TSHZ2: variants seen among roughly 807,000 people sequenced by gnomAD.
The protein encoded by TSHZ2 is teashirt homolog 2.
A neutral mutation model predicts 74.4 loss-of-function variants in TSHZ2; 21 were observed. The observed-to-expected ratio is 0.28, with a 90% CI of 0.20 to 0.41. The LOEUF (loss-of-function observed/expected upper bound fraction) is 0.41. Among genes scored for constraint, TSHZ2 ranks in the 10% least tolerant of loss-of-function variants. The probability of loss-of-function intolerance (pLI) is 1.00; values close to 1 mark genes in which losing one functional copy is unlikely to be tolerated. For synonymous variants in TSHZ2, 540 were observed against 515.3 expected, an observed-to-expected ratio of 1.05 and a Z score of -0.65; for missense variants, 1,244 against 1,293.5, an observed-to-expected ratio of 0.96 and a Z score of 0.59.
chr20:53,358,265 G>A lies in TSHZ2; in HGVS notation c.*8+101694G>A, dbSNP rs543929931. Among the ~76,000 whole-genome samples, 19 of 144,836 alleles carry A rather than the reference G, an allele frequency of 1.3e-4. No homozygotes were observed. The South Asian group carries it at 4.2e-3, about 32-fold the overall frequency. ...GTTTTCATGCAGTTACTGAGCCTGG[G>A]TAAACTGGGACAAAATCCTAGCAAC... On this transcript the variant is annotated intron_variant, in intron 2 of 2. Transcript: ENST00000371497.
At chr20:53,250,015 A>C (rs1459527468) in intron 1 of TSHZ2, among the ~76,000 whole-genome samples, 1 of 152,142 alleles carries the variant, frequency 6.6e-6, no homozygotes, top group Non-Finnish European at 1.5e-5. Flanking sequence ...TGGTCTCTTG[A>C]GTCAGTAGTT....
At chr20:53,340,740 T>G (rs1980164248) in intron 2 of TSHZ2, among the ~76,000 whole-genome samples, 1 of 152,222 alleles carries the variant, frequency 6.6e-6, no homozygotes, top group East Asian at 1.9e-4. Context: ...CTGAAGCTCC[T>G]GTAATGTAAC....
At chr20:53,061,185 G>A (rs763332708) in intron 1 of TSHZ2, among the ~76,000 whole-genome samples, 45 of 152,222 alleles carry the variant, frequency 3.0e-4, no homozygotes, top group African/African-American at 7.2e-4. Flanking sequence ...TATTTTGAAC[G>A]CCAGAAATGA....
intron 2 of TSHZ2, among the ~76,000 whole-genome samples, chr20:53,305,900 C>A (rs373612728): frequency 1.8e-4 from 28 of 152,100 alleles, no homozygotes; most frequent in African/African-American, 6.5e-4. Flanking sequence ...ATTGCTTGAA[C>A]CCGGGAGGCG....
chr20:53,256,049 T>C lies in TSHZ2; in HGVS notation c.2591T>C (p.Leu864Pro). 6.2e-7 allele frequency: 1 copy of C among 1,613,568 alleles called. No homozygotes were observed. Among genetic ancestry groups the C allele is most frequent in the Non-Finnish European group, 8.5e-7 (1 of 1,179,602 alleles). Residue 864 changes from leucine to proline, a missense_variant, in exon 2 of 3, where the codon CTC becomes CCC. Leu to Pro is a moderately conservative substitution (Grantham distance 98). Around this residue, in one of 6 missense-constraint regions of TSHZ2, gnomAD observed 185 missense variants for 213.3 expected, o/e 0.87. Transcript: ENST00000371497. This position sits in a 1 kb window ranked among gnomAD's most constrained non-coding sequence, Gnocchi z 4.3. ...CTACAAGCCCAGTTTGCCTCGAGCC[T>C]CTTCCAGACATCAGAGGGCAAATAC... ...LILQAQFASS[L>P]FQTSEGKYLL...
At chr20:53,261,892 G>C (rs1418217026) in intron 2 of TSHZ2, among the ~76,000 whole-genome samples, 2 of 152,122 alleles carry the variant, frequency 1.3e-5, no homozygotes, top group Non-Finnish European at 2.9e-5. Context: ...AATTAAAAAC[G>C]TCTTTGCGAA....
At position 53,020,946 on chromosome 20, in the gene TSHZ2, C is replaced by G. The variant is rs187789554; in HGVS notation, c.40+47613C>G. Among the ~76,000 whole-genome samples, 461 of 152,304 alleles carry G rather than the reference C, an allele frequency of 3.0e-3. 7 individuals carry two copies. Among genetic ancestry groups the G allele is most frequent in the Admixed American group, 0.028 (428 of 15,300 alleles). Reference sequence around the variant, plus strand: ...TAGTATTAACCCTCAATTTCCTCATCTGTAAATGGGGAACTATATTAATGT... The same window carrying G: ...TAGTATTAACCCTCAATTTCCTCATGTGTAAATGGGGAACTATATTAATGT... On this transcript the variant is annotated intron_variant, in intron 1 of 2. Coordinates refer to ENST00000371497, the MANE Select transcript of TSHZ2 (RefSeq NM_173485.6).
At chr20:53,455,023 T>C (rs187321973) in intron 2 of TSHZ2, among the ~76,000 whole-genome samples, 53 of 152,306 alleles carry the variant, frequency 3.5e-4, no homozygotes, top group African/African-American at 1.2e-3. Context: ...TTCCCTGCTA[T>C]ATAAAACCCT....
Position 53,147,152 on chromosome 20 carries a change from T to A in TSHZ2, c.41-106347T>A, listed in dbSNP as rs529418935. Among the ~76,000 whole-genome samples the A allele has an allele frequency of 2.2e-4, 33 of 152,340 alleles. 3 individuals are homozygous for A. In the South Asian group the frequency reaches 6.4e-3, roughly 30 times the overall value. On this transcript the variant is annotated intron_variant, in intron 1 of 2. Coordinates refer to ENST00000371497, the MANE Select transcript of TSHZ2 (RefSeq NM_173485.6). ...GATCTCAACTCAGCTTATTACATATTTTTTGTTTCCTCATGTGACTCTCAT... is the reference window on the plus strand; with the variant it reads ...GATCTCAACTCAGCTTATTACATATATTTTGTTTCCTCATGTGACTCTCAT...
intron 2 of TSHZ2, among the ~76,000 whole-genome samples, chr20:53,469,579 AG>A (rs1985696417): frequency 8.1e-6 from 1 of 122,992 alleles, no homozygotes; most frequent in African/African-American, 2.9e-5. Flanking sequence ...GAAGGAAGGA[AG>A]GAAGGAAGGA....
chr20:53,372,567 C>T (rs1981515453), intron 2 of TSHZ2, among the ~76,000 whole-genome samples: 1 of 152,076 alleles, frequency 6.6e-6, no homozygotes. Flanking sequence ...TCACCCAATA[C>T]CAGTTCTCTT....
In TSHZ2 at chr20:53,129,890, T is replaced by C. The variant is rs78063220; in HGVS notation, c.41-123609T>C. Among the ~76,000 whole-genome samples, 474 of 152,038 alleles carry C rather than the reference T, an allele frequency of 3.1e-3. 3 individuals carry two copies. Among genetic ancestry groups the C allele is most frequent in the African/African-American group, 0.011 (449 of 41,454 alleles). On this transcript the variant is annotated intron_variant, in intron 1 of 2. Transcript: ENST00000371497. Reference sequence around the variant, plus strand: ...ATTCCTGATCTGATTCACCAGGTCCTGCTTAATATGTATTACCAACCCTGT... The same window carrying C: ...ATTCCTGATCTGATTCACCAGGTCCCGCTTAATATGTATTACCAACCCTGT...
intron 2 of TSHZ2, among the ~76,000 whole-genome samples, chr20:53,362,254 G>A (rs376152731): frequency 1.7e-4 from 25 of 149,062 alleles, no homozygotes; most frequent in African/African-American, 4.2e-4. Context: ...GCAGGATCTC[G>A]GCTCACTGCA....
intron 2 of TSHZ2, among the ~76,000 whole-genome samples, chr20:53,304,836 T>A (rs1978457113): frequency 6.6e-6 from 1 of 152,188 alleles, no homozygotes; most frequent in African/African-American, 2.4e-5. Flanking sequence ...TTCGCCATGT[T>A]AGCCAAAATG....
intron 2 of TSHZ2, among the ~76,000 whole-genome samples, chr20:53,267,094 A>G (rs1467327911): frequency 6.6e-6 from 1 of 152,182 alleles, no homozygotes; most frequent in Non-Finnish European, 1.5e-5. Context: ...ATGATTATAT[A>G]ACCACACAGG....
chr20:53,025,158 T>A (rs752151627), intron 1 of TSHZ2, among the ~76,000 whole-genome samples: 15 of 151,474 alleles, frequency 9.9e-5, no homozygotes, highest in Non-Finnish European at 1.8e-4. Flanking sequence ...TATATTATTA[T>A]ATATTTTATA....
At chr20:53,299,963 C>G (rs1461902218) in intron 2 of TSHZ2, among the ~76,000 whole-genome samples, 1 of 152,178 alleles carries the variant, frequency 6.6e-6, no homozygotes, top group Admixed American at 6.5e-5. Context: ...TTTTTCCTCT[C>G]CAGGGTTTAT....
rs529714092 is a variant in TSHZ2 at position 53,426,653 on chromosome 20, T to A, written c.*9-60491T>A. Among the ~76,000 whole-genome samples, 275 of 152,328 alleles carry A rather than the reference T, an allele frequency of 1.8e-3. 4 individuals carry two copies. Among genetic ancestry groups the A allele is most frequent in the African/African-American group, 6.1e-3 (253 of 41,580 alleles). ...CAGCGCGTTTTCTGCCCAGCCTGGG[T>A]ACTGCTAATAAAGTATACTTGACAT... On this transcript the variant is annotated intron_variant, in intron 2 of 2. Transcript: ENST00000371497.
chr20:52,998,748 C>T (rs1982300204), intron 1 of TSHZ2, among the ~76,000 whole-genome samples: 1 of 152,188 alleles, frequency 6.6e-6, no homozygotes, highest in Non-Finnish European at 1.5e-5. Context: ...TGCTGGGACC[C>T]CACCATAGTG....
Sources: allele counts gnomAD v4.1 joint callset (sites outside exome capture counted in the v4.1 genomes callset), GRCh38; gene constraint gnomAD v4.1.1; regional missense constraint gnomAD v4.1.1; non-coding constraint Gnocchi (gnomAD v3.1); transcripts MANE v1.5; gene names NCBI Gene and HGNC (gene_info 2026-07-23, HGNC 2026-07-21).